Variants in PCCA observed in about 807,000 individuals in gnomAD.
The protein encoded by PCCA is propionyl-CoA carboxylase subunit alpha, also known as propionyl-CoA carboxylase alpha chain, mitochondrial.
A neutral mutation model predicts 101.3 loss-of-function variants in PCCA; 74 were observed. The observed-to-expected ratio is 0.73, with a 90% confidence interval of 0.61 to 0.89. The LOEUF (loss-of-function observed/expected upper bound fraction) is 0.89, where lower values mean the gene tolerates loss of function less well. Ranked by LOEUF, PCCA falls within the 40% of genes least tolerant of loss-of-function variation. The probability of loss-of-function intolerance (pLI) is 0.00; values close to 1 mark genes in which losing one functional copy is unlikely to be tolerated. For synonymous variants in PCCA, 294 were observed against 313.6 expected, an observed-to-expected ratio of 0.94 and a Z score of 0.66; for missense variants, 891 against 907.0, an observed-to-expected ratio of 0.98 and a Z score of 0.23.
chr13:100,523,611 G>A (rs1477148056), intron 22 of PCCA, among the ~76,000 whole-genome samples: 2 of 152,174 alleles, frequency 1.3e-5, no homozygotes, highest in Non-Finnish European at 2.9e-5. Context: ...CCTTGTTTGG[G>A]GCAAGGCCGA....
intron 7 of PCCA, among the ~76,000 whole-genome samples, chr13:100,215,368 CAAG>C (rs1433536356): frequency 6.6e-6 from 1 of 152,152 alleles, no homozygotes; most frequent in African/African-American, 2.4e-5. Flanking sequence ...TTTATGCCCT[CAAG>C]GAGCTTACAC....
At chr13:100,377,200 A>G (rs1221069227) in intron 19 of PCCA, among the ~76,000 whole-genome samples, 1 of 151,532 alleles carries the variant, frequency 6.6e-6, no homozygotes, top group Non-Finnish European at 1.5e-5. Context: ...TGCAGAAATC[A>G]CCCACCTTCT....
At chr13:100,178,730 T>C (rs1425773344) in intron 6 of PCCA, among the ~76,000 whole-genome samples, 1 of 150,012 alleles carries the variant, frequency 6.7e-6, no homozygotes, top group Non-Finnish European at 1.5e-5. Context: ...TTAATGCCTG[T>C]TTATTAAAAA....
At chr13:100,460,853 T>C (rs1249892521) in intron 21 of PCCA, among the ~76,000 whole-genome samples, 2 of 152,214 alleles carry the variant, frequency 1.3e-5, no homozygotes, top group Non-Finnish European at 2.9e-5. Context: ...CTTAATATGA[T>C]AATTCATCTA....
Position 100,107,560 on chromosome 13 carries a change from CAT to C in PCCA, c.184-4279_184-4278del, listed in dbSNP as rs2047924790. ...AAGTGATCTTAGGTGTTATTAATAA[CAT>C]AGTGTTTAGAGCTTGCATTGTTATA... On this transcript the variant is annotated intron_variant, in intron 2 of 23. Coordinates refer to ENST00000376285, the MANE Select transcript of PCCA (RefSeq NM_000282.4). Among the ~76,000 whole-genome samples the C allele has an allele frequency of 2.0e-5, 3 of 152,190 alleles. No homozygotes were observed. The South Asian group carries it at 6.2e-4, about 32-fold the overall frequency.
chr13:100,312,380 A>T (rs1227663538), intron 16 of PCCA, among the ~76,000 whole-genome samples: 1 of 152,258 alleles, frequency 6.6e-6, no homozygotes, highest in Non-Finnish European at 1.5e-5. Context: ...AGAGTACCTC[A>T]CTTTGTTCTG....
rs191035509 is a variant in PCCA at position 100,252,522 on chromosome 13, G to A, written c.638-5073G>A. 2.3e-3 allele frequency among the ~76,000 whole-genome samples: 352 copies of A among 152,006 alleles called. 2 individuals are homozygous for A. The highest frequency in any genetic ancestry group is 5.9e-3 in the Admixed American group (90 of 15,266). ...CACATAAGATTCTTTATTATACAGC[G>A]TACCACTGTTGCATCAATAGGGTGT... On this transcript the variant is annotated intron_variant, in intron 8 of 23. Coordinates refer to ENST00000376285, the MANE Select transcript of PCCA (RefSeq NM_000282.4).
intron 1 of PCCA, 109 bp downstream of exon 1, chr13:100,089,334 G>A (rs1338138514): frequency 4.6e-6 from 6 of 1,304,232 alleles, no homozygotes; most frequent in Non-Finnish European, 5.9e-6. Context: ...CTGCCCCCGC[G>A]CCCCGGTTCC....
chr13:100,498,900 G>C (rs1476521999), intron 21 of PCCA, among the ~76,000 whole-genome samples: 1 of 152,152 alleles, frequency 6.6e-6, no homozygotes, highest in Non-Finnish European at 1.5e-5. Context: ...GCTTGTTTAT[G>C]GTAGAGAGAA....
chr13:100,312,934 TGA>T (rs774397323), intron 16 of PCCA, among the ~76,000 whole-genome samples: 38 of 152,220 alleles, frequency 2.5e-4, no homozygotes, highest in Non-Finnish European at 4.3e-4. Context: ...AAAGGATTTA[TGA>T]GAGAGGGGTT....
intron 21 of PCCA, among the ~76,000 whole-genome samples, chr13:100,484,431 A>G (rs3783172): frequency 0.28 from 41,915 of 152,030 alleles, 6,032 homozygotes; most frequent in African/African-American, 0.35. Flanking sequence ...TTTACTAAGC[A>G]GGGAGTAGAG....
At chr13:100,385,025 A>T (rs144323669) in intron 19 of PCCA, among the ~76,000 whole-genome samples, 141 of 152,140 alleles carry the variant, frequency 9.3e-4, no homozygotes, top group Middle Eastern at 6.9e-3. Flanking sequence ...AAATGTTATG[A>T]TCATTAAACT....
chr13:100,096,911 G>A (rs989353209), intron 1 of PCCA, among the ~76,000 whole-genome samples: 1 of 152,162 alleles, frequency 6.6e-6, no homozygotes, highest in African/African-American at 2.4e-5. Flanking sequence ...AAGTGAGGCC[G>A]GGCGCAGTGG....
chr13:100,293,536 T>C (rs2065293425), intron 12 of PCCA, among the ~76,000 whole-genome samples: 1 of 152,212 alleles, frequency 6.6e-6, no homozygotes, highest in Admixed American at 6.5e-5. Flanking sequence ...TTTTGGTCTT[T>C]TATGGAATTG....
Position 100,451,754 on chromosome 13 carries a change from C to A in PCCA, c.1899+2449C>A, listed in dbSNP as rs1219156369. Among the ~76,000 whole-genome samples, 94 of 98,648 alleles carry A rather than the reference C, an allele frequency of 9.5e-4. 2 individuals carry two copies. The South Asian group carries it at 0.016, about 17-fold the overall frequency. The allele number at this position is 98,648 out of a possible 152,430, so 64.7% of individuals were successfully genotyped here. ...TCTCTCTCTCTTCTCTCCTTCCTCT[C>A]CCTCTCTGTCCTCTTCCTCTCCTCT... On this transcript the variant is annotated intron_variant, in intron 21 of 23. Transcript: ENST00000376285.
At chr13:100,370,900 C>G (rs529572616) in intron 19 of PCCA, among the ~76,000 whole-genome samples, 1 of 152,144 alleles carries the variant, frequency 6.6e-6, no homozygotes, top group African/African-American at 2.4e-5. Flanking sequence ...CAAGCCAGGT[C>G]TGGGTTAATG....
chr13:100,309,689 C>T, intron 15 of PCCA, 144 bp from the exon 16 acceptor site: 1 of 554,854 alleles, frequency 1.8e-6, no homozygotes, highest in Non-Finnish European at 3.1e-6. Context: ...TCATAATTGA[C>T]ATGTATTGAA....
Position 100,329,293 on chromosome 13 carries a change from G to T in PCCA, c.1430-1268G>T, listed in dbSNP as rs573286682. ...AATTTTCTTATTTGAGTTTAAAATG[G>T]GATGTAAAGCAGCAGAGACAACTTG... On this transcript the variant is annotated intron_variant, in intron 16 of 23. Transcript: ENST00000376285. Among the ~76,000 whole-genome samples, 5 of 152,154 alleles carry T rather than the reference G, an allele frequency of 3.3e-5. No homozygotes were observed. The South Asian group carries it at 1.0e-3, about 32-fold the overall frequency.
At chr13:100,495,685 CTG>C (rs775234872) in intron 21 of PCCA, among the ~76,000 whole-genome samples, 10 of 152,220 alleles carry the variant, frequency 6.6e-5, no homozygotes, top group Non-Finnish European at 1.2e-4. Flanking sequence ...AATTATCACT[CTG>C]TGTAACCACT....
Sources: allele counts gnomAD v4.1 joint callset (sites outside exome capture counted in the v4.1 genomes callset), GRCh38; gene constraint gnomAD v4.1.1; transcripts MANE v1.5; gene names NCBI Gene and HGNC (gene_info 2026-07-23, HGNC 2026-07-21).